SUSD1: variants seen among roughly 807,000 people sequenced by gnomAD.
SUSD1 encodes the protein sushi domain-containing protein 1.
In SUSD1, 65 loss-of-function variants were observed where a neutral mutation model predicts 86.9. That is an observed-to-expected ratio of 0.75 (90% CI 0.61 to 0.92). The LOEUF (loss-of-function observed/expected upper bound fraction) is 0.92, where lower values mean the gene tolerates loss of function less well. SUSD1 is among the 40% of genes least tolerant of loss of function. SUSD1 has a pLI of 0.00. For missense variants in SUSD1, 850 were observed against 929.7 expected, an observed-to-expected ratio of 0.91 and a Z score of 1.11; for synonymous variants, 346 against 350.0, an observed-to-expected ratio of 0.99 and a Z score of 0.13.
chr9:112,057,367 A>G (rs1026016209), intron 14 of SUSD1, among the ~76,000 whole-genome samples: 1 of 152,198 alleles, frequency 6.6e-6, no homozygotes, highest in African/African-American at 2.4e-5. Context: ...AGGACAGTAG[A>G]TCTCTGAACC....
At chr9:112,054,761 C>T (rs1819370513) in intron 14 of SUSD1, among the ~76,000 whole-genome samples, 1 of 152,000 alleles carries the variant, frequency 6.6e-6, no homozygotes, top group Non-Finnish European at 1.5e-5. Context: ...AAAAAGCTTC[C>T]TGAAACCGGA....
chr9:112,089,092 G>C (rs1380948974), intron 10 of SUSD1, among the ~76,000 whole-genome samples: 1 of 152,108 alleles, frequency 6.6e-6, no homozygotes, highest in Non-Finnish European at 1.5e-5. Context: ...GGGCAACAGG[G>C]TGAGATCCTG....
rs373290796 is a variant in SUSD1 at position 112,097,995 on chromosome 9, T to C, written c.1474+475A>G. On this transcript the variant is annotated intron_variant, in intron 10 of 16. Coordinates refer to ENST00000374270, the MANE Select transcript of SUSD1 (RefSeq NM_022486.5). ...CAAAAGACTGCAAGGGAAGAATTTC[T>C]AAGGAGCCTGACCTTAATCAGGCCT... is the stretch of plus-strand genomic sequence containing the variant. 4.5e-4 allele frequency among the ~76,000 whole-genome samples: 69 copies of C among 152,326 alleles called. 2 individuals are homozygous for C. Among genetic ancestry groups the C allele is most frequent in the African/African-American group, 1.6e-3 (66 of 41,574 alleles).
chr9:112,071,277 CAT>C (rs1829256495), intron 12 of SUSD1, among the ~76,000 whole-genome samples: 1 of 152,036 alleles, frequency 6.6e-6, no homozygotes, highest in South Asian at 2.1e-4. Flanking sequence ...GCCTGGGCAA[CAT>C]AGTAAGACCT....
At chr9:112,145,646 T>G (rs76504741) in intron 3 of SUSD1, among the ~76,000 whole-genome samples, 7,479 of 152,304 alleles carry the variant, frequency 0.049, 629 homozygotes, top group African/African-American at 0.17. Context: ...TCAGAATCCT[T>G]TTGAACTTTT....
chr9:112,096,763 C>A (rs1008020703), intron 10 of SUSD1, among the ~76,000 whole-genome samples: 8 of 152,158 alleles, frequency 5.3e-5, no homozygotes, highest in African/African-American at 1.9e-4. Context: ...TGGTCTCAAA[C>A]TCCTGAGCTC....
chr9:112,131,001 T>G (rs559649619), intron 5 of SUSD1, among the ~76,000 whole-genome samples: 4 of 152,208 alleles, frequency 2.6e-5, no homozygotes, highest in African/African-American at 9.6e-5. Flanking sequence ...CCAACCTAAG[T>G]GACAGAGACC....
rs188327307 is a variant in SUSD1 at position 112,144,527 on chromosome 9, C to T, written c.374-904G>A. Among the ~76,000 whole-genome samples, 397 of 152,176 alleles carry T rather than the reference C, an allele frequency of 2.6e-3. 5 individuals carry two copies. Among genetic ancestry groups the T allele is most frequent in the Non-Finnish European group, 3.5e-3 (236 of 67,992 alleles). The stretch of plus-strand genomic sequence containing the variant: ...ACAGGCCTGGCACGGTGGCTCATGT[C>T]TGTAATCCTGGCACTTTGGGAGGAC... On this transcript the variant is annotated intron_variant, in intron 3 of 16. Transcript: ENST00000374270.
intron 1 of SUSD1, among the ~76,000 whole-genome samples, chr9:112,162,455 G>T (rs1204302476): frequency 6.6e-6 from 1 of 152,098 alleles, no homozygotes; most frequent in Non-Finnish European, 1.5e-5. Context: ...ATTTTTCACT[G>T]AAAACCAAAG....
intron 10 of SUSD1, among the ~76,000 whole-genome samples, chr9:112,084,062 T>A (rs1290871934): frequency 2.0e-5 from 3 of 152,206 alleles, no homozygotes; most frequent in Non-Finnish European, 2.9e-5. Context: ...GATGCATAGA[T>A]GGACAATGAC....
intron 2 of SUSD1, among the ~76,000 whole-genome samples, chr9:112,155,582 A>AT (rs199772671): frequency 2.2e-4 from 34 of 151,198 alleles, no homozygotes; most frequent in East Asian, 3.9e-4. Flanking sequence ...CTCAGTGGGG[A>AT]TTTTTTTTTG....
At position 112,063,565 on chromosome 9, in the gene SUSD1, C is replaced by T. The variant is rs964202571; in HGVS notation, c.1754-532G>A. ...GATTCCTACTTGGTAGGGAAGACCA[C>T]CACATCAGCCTTCAATATCCTTTAT... On this transcript the variant is annotated intron_variant, in intron 12 of 16. Coordinates refer to ENST00000374270, the MANE Select transcript of SUSD1 (RefSeq NM_022486.5). Among the ~76,000 whole-genome samples the T allele has an allele frequency of 2.6e-5, 4 of 152,176 alleles. 1 individual carries two copies. In the South Asian group the frequency reaches 8.3e-4, roughly 32 times the overall value.
At chr9:112,054,263 A>G (rs186432407) in intron 14 of SUSD1, among the ~76,000 whole-genome samples, 1 of 152,308 alleles carries the variant, frequency 6.6e-6, no homozygotes, top group Admixed American at 6.5e-5. Context: ...AGTTAACAAG[A>G]GTGCCAAGAC....
At chr9:112,133,195 A>G (rs1473548238) in intron 5 of SUSD1, among the ~76,000 whole-genome samples, 1 of 152,206 alleles carries the variant, frequency 6.6e-6, no homozygotes, top group East Asian at 1.9e-4. Flanking sequence ...AGATCCCTTA[A>G]GCCCAAGAAT....
Position 112,113,353 on chromosome 9 carries a change from TG to T in SUSD1, c.887-486del. On this transcript the variant is annotated intron_variant, in intron 6 of 16. Coordinates refer to ENST00000374270, the MANE Select transcript of SUSD1 (RefSeq NM_022486.5). This position sits in a 1 kb window ranked among gnomAD's most constrained non-coding sequence, Gnocchi z 4.1. ...ACAGGACCATGCCTCAGAAACAGGT[TG>T]GGGCAAACTAAAGAAATTCTCCACA... is the stretch of plus-strand genomic sequence containing the variant. Among the ~76,000 whole-genome samples, 1 of 152,306 alleles carries T rather than the reference TG, an allele frequency of 6.6e-6. No homozygotes were observed. The highest frequency in any genetic ancestry group is 2.1e-4 in the South Asian group (1 of 4,824).
intron 5 of SUSD1, among the ~76,000 whole-genome samples, chr9:112,132,207 T>C (rs573922381): frequency 6.6e-6 from 1 of 152,232 alleles, no homozygotes; most frequent in Admixed American, 6.5e-5. Context: ...AATCTAGTAA[T>C]ATAAAGGCTC....
In SUSD1 at chr9:112,115,824, G is replaced by GAAAAAGA. The variant is rs1554766279; in HGVS notation, c.887-2957_887-2956insTCTTTTT. Among the ~76,000 whole-genome samples the GAAAAAGA allele has an allele frequency of 5.2e-4, 63 of 120,952 alleles. 1 individual carries two copies. The highest frequency in any genetic ancestry group is 1.9e-3 in the African/African-American group (60 of 32,368). The allele number at this position is 120,952 out of a possible 152,430, so 79.3% of individuals were successfully genotyped here. On this transcript the variant is annotated intron_variant, in intron 6 of 16. Transcript: ENST00000374270. The stretch of plus-strand genomic sequence containing the variant: ...ACTCCATTGCAAAAAAAAAAAAAAA[G>GAAAAAGA]AAAAAAAAAAGAAAAGAAATACTCC...
intron 13 of SUSD1, among the ~76,000 whole-genome samples, chr9:112,059,001 C>G (rs957190460): frequency 6.6e-6 from 1 of 152,164 alleles, no homozygotes; most frequent in Non-Finnish European, 1.5e-5. Flanking sequence ...ACCATGTTGG[C>G]CAGGCTTGTC....
intron 12 of SUSD1, among the ~76,000 whole-genome samples, chr9:112,065,009 T>A (rs1169641345): frequency 2.0e-5 from 3 of 152,170 alleles, no homozygotes; most frequent in Admixed American, 2.0e-4. Flanking sequence ...ACAAGTACAG[T>A]TATTATCTCA....
Sources: gnomAD v4.1 joint callset for allele counts (sites outside exome capture counted in the v4.1 genomes callset) on GRCh38, gnomAD v4.1.1 for gene constraint, Gnocchi (gnomAD v3.1) non-coding constraint, MANE v1.5 for transcripts, NCBI Gene and HGNC (gene_info 2026-07-23, HGNC 2026-07-21) for gene names.